The following CHCHD5 variants were observed in gnomAD, a reference collection of about 807,000 sequenced individuals.
CHCHD5 encodes coiled-coil-helix-coiled-coil-helix domain containing 5, also known as coiled-coil-helix-coiled-coil-helix domain-containing protein 5.
CHCHD5 carries 10 observed loss-of-function variants against 16.0 expected under a neutral mutation model. The ratio of observed to expected loss-of-function variants is 0.63; its 90% CI spans 0.39 to 1.06. The LOEUF (loss-of-function observed/expected upper bound fraction) is 1.06, where lower values mean the gene tolerates loss of function less well. Among genes scored for constraint, CHCHD5 ranks in the 50% least tolerant of loss-of-function variants. CHCHD5 has a pLI of 0.01. For missense variants in CHCHD5, 163 were observed against 153.4 expected (o/e 1.06, Z -0.33); for synonymous variants, 55 against 56.3 (o/e 0.98, Z 0.10).
At chr2:112,584,510 A>G (rs1278233044), upstream of CHCHD5, 4 of 1,064,102 alleles carry the variant, frequency 3.8e-6, no homozygotes, top group Admixed American at 7.7e-5. Flanking sequence ...GTGACAGATT[A>G]GTCCTAAAGG....
chr2:112,585,863 A>T (rs956779043), intron 1 of CHCHD5, 111 bp from the exon 2 acceptor site: 38 of 1,246,882 alleles, frequency 3.0e-5, no homozygotes, highest in Non-Finnish European at 4.2e-5. Context: ...GTGCCACTGC[A>T]CTCCAGCCTG....
chr2:112,586,033 A>G lies in CHCHD5; in HGVS notation c.62A>G (p.Gln21Arg), dbSNP rs199612227. The change falls in exon 2 of 4, where the codon CAG (glutamine) becomes CGG (arginine). Residue 21 changes from glutamine (Q) to arginine (R), a missense_variant. Coordinates refer to ENST00000324913, the MANE Select transcript of CHCHD5 (RefSeq NM_032309.4). ...GGCCGGGAGCTGGAGCAGTATGGCC[A>G]GTGTGTGGCGGCCAAGCCGGAATCC... is the stretch of plus-strand genomic sequence containing the variant. ...YCGRELEQYG[Q>R]CVAAKPESWQ... The G allele has an allele frequency of 7.4e-5, 120 of 1,614,172 alleles. No individual in the cohort carries two copies. The East Asian group carries it at 2.5e-3, about 33-fold the overall frequency.
intron 1 of CHCHD5, 39 bp downstream of exon 1, chr2:112,584,688 TC>T (rs779665568): frequency 3.1e-6 from 5 of 1,612,984 alleles, no homozygotes; most frequent in Non-Finnish European, 4.2e-6. Context: ...GTGCTGCCGC[TC>T]CCCTTCTTTT....
In CHCHD5 at chr2:112,589,001, A is replaced by G. The variant is rs969320689; in HGVS notation, c.*112A>G. 29 of 738,518 alleles carry G rather than the reference A, an allele frequency of 3.9e-5. No individual in the cohort carries two copies. Among genetic ancestry groups the G allele is most frequent in the East Asian group, 1.3e-4 (5 of 37,442 alleles). The allele number at this position is 738,518 out of a possible 1,614,324, so 45.7% of individuals were successfully genotyped here. On this transcript the variant is annotated 3_prime_UTR_variant, in exon 4 of 4. Coordinates refer to ENST00000324913, the MANE Select transcript of CHCHD5 (RefSeq NM_032309.4). ...CTGGACATGGGCCCGGCTTTCCTGG[A>G]TATCAGGACTTCCAATAAATAAAGA...
intron 2 of CHCHD5, 25 bp from the exon 3 acceptor site, chr2:112,586,175 G>A (rs1685211767): frequency 6.2e-7 from 1 of 1,609,742 alleles, no homozygotes; most frequent in African/African-American, 1.3e-5. Context: ...AATCTCCCAG[G>A]GGCTGAACTG....
At position 112,586,087 on chromosome 2, in the gene CHCHD5, T is replaced by A; in HGVS notation, c.116T>A (p.Met39Lys). Residue 39 changes from methionine to lysine, a missense_variant, in exon 2 of 4, where the codon ATG (methionine) becomes AAG (lysine). Met to Lys is a moderately conservative substitution (Grantham distance 95). Transcript: ENST00000324913. ...CAGCGGGACTGTCACTACCTTAAGATGAGCATTGCCCAGTGCACATCCTCC... is the reference window on the plus strand; with the variant it reads ...CAGCGGGACTGTCACTACCTTAAGAAGAGCATTGCCCAGTGCACATCCTCC... ...SWQRDCHYLK[M>K]SIAQCTSSHP... 6.2e-7 allele frequency: 1 copy of A among 1,613,670 alleles called. No individual in the cohort carries two copies. Among genetic ancestry groups the A allele is most frequent in the Non-Finnish European group, 8.5e-7 (1 of 1,179,902 alleles).
Position 112,586,101 on chromosome 2 carries a change from T to C in CHCHD5, c.130T>C (p.Cys44Arg). 1.9e-6 allele frequency: 3 copies of C among 1,612,384 alleles called. No individual in the cohort carries two copies. Among genetic ancestry groups the C allele is most frequent in the Non-Finnish European group, 2.5e-6 (3 of 1,179,370 alleles). Residue 44 changes from cysteine (C) to arginine (R), a missense_variant, in exon 2 of 4, where the codon TGC becomes CGC. Transcript: ENST00000324913. ...CHYLKMSIAQ[C>R]TSSHPIIRQI... Reference sequence around the variant, plus strand: ...CTACCTTAAGATGAGCATTGCCCAGTGCACATCCTCCCAGTGAGTGCGGGC... The same window carrying C: ...CTACCTTAAGATGAGCATTGCCCAGCGCACATCCTCCCAGTGAGTGCGGGC...
At position 112,589,027 on chromosome 2, in the gene CHCHD5, C is replaced by T. The variant is rs1685306910; in HGVS notation, c.*138C>T. The T allele has an allele frequency of 1.5e-6, 1 of 662,510 alleles. No homozygotes were observed. Among genetic ancestry groups the T allele is most frequent in the Admixed American group, 2.4e-5 (1 of 41,204 alleles). The allele number at this position is 662,510 out of a possible 1,614,324, so 41.0% of individuals were successfully genotyped here. ...TATCAGGACTTCCAATAAATAAAGA[C>T]TCTGTATACTGGGCTTTGATTCCTG... On this transcript the variant is annotated 3_prime_UTR_variant, in exon 4 of 4. Transcript: ENST00000324913.
chr2:112,584,647 G>A lies in CHCHD5; in HGVS notation c.-1G>A, dbSNP rs750187722. On this transcript the variant is annotated splice_region_variant and 5_prime_UTR_variant, in exon 1 of 4. Transcript: ENST00000324913. The stretch of plus-strand genomic sequence containing the variant: ...AGCCCTACGCCGGCAAAGGTCTCGA[G>A]ATGTGAGTAGTGAGAGCGCCTACCC... The A allele has an allele frequency of 5.0e-6, 8 of 1,613,894 alleles. No individual in the cohort carries two copies. Among genetic ancestry groups the A allele is most frequent in the Non-Finnish European group, 6.8e-6 (8 of 1,179,958 alleles).
At chr2:112,586,904 C>T (rs1685243758) in intron 3 of CHCHD5, 4 of 254,302 alleles carry the variant, frequency 1.6e-5, no homozygotes, top group South Asian at 8.0e-5. Flanking sequence ...ACCAGATATA[C>T]AGTATATCTG....
At chr2:112,585,911 A>T (rs3789722) in intron 1 of CHCHD5, 63 bp from the exon 2 acceptor site, 887,543 of 1,545,936 alleles carry the variant, frequency 0.57, 267,373 homozygotes, top group Non-Finnish European at 0.62. Context: ...AATAAAAAAA[A>T]AAAAAAGAAT....
At chr2:112,588,473 T>C (rs1394743196) in intron 3 of CHCHD5, 1 of 201,052 alleles carries the variant, frequency 5.0e-6, no homozygotes, top group Non-Finnish European at 1.0e-5. Flanking sequence ...CTTTACAGAA[T>C]GTCCTGTGTT....
intron 1 of CHCHD5, 164 bp downstream of exon 1, chr2:112,584,813 C>T (rs755914066): frequency 1.3e-6 from 1 of 785,462 alleles, no homozygotes; most frequent in Non-Finnish European, 2.1e-6. Context: ...CAACCCTCCG[C>T]ATGCCCAAGC....
In CHCHD5 at chr2:112,586,191, C is replaced by T. The variant is rs984808482; in HGVS notation, c.144-9C>T. ...ATCTCCCAGGGGCTGAACTGCCCTA[C>T]CCCCACAGCCCAATCATCCGCCAGA... On this transcript the variant is annotated splice_polypyrimidine_tract_variant and intron_variant, in intron 2 of 3. Coordinates refer to ENST00000324913, the MANE Select transcript of CHCHD5 (RefSeq NM_032309.4). 3 of 1,609,236 alleles carry T rather than the reference C, an allele frequency of 1.9e-6. No individual in the cohort carries two copies. Among genetic ancestry groups the T allele is most frequent in the South Asian group, 1.1e-5 (1 of 90,948 alleles).
intron 1 of CHCHD5, 111 bp from the exon 2 acceptor site, chr2:112,585,863 A>C (rs956779043): frequency 8.0e-7 from 1 of 1,246,998 alleles, no homozygotes; most frequent in South Asian, 1.5e-5. Context: ...GTGCCACTGC[A>C]CTCCAGCCTG....
chr2:112,586,558 C>T, intron 3 of CHCHD5, 193 bp downstream of exon 3: 1 of 1,526,864 alleles, frequency 6.5e-7, no homozygotes, highest in Non-Finnish European at 8.8e-7. Flanking sequence ...CACCACCACC[C>T]TCACCCTCCA....
intron 3 of CHCHD5, chr2:112,588,064 TG>T (rs1444616570): frequency 6.6e-6 from 1 of 152,112 alleles, no homozygotes; most frequent in Non-Finnish European, 1.5e-5. Flanking sequence ...CCGAGGTGGG[TG>T]GATCACCTGA....
At position 112,588,905 on chromosome 2, in the gene CHCHD5, C is replaced by T; in HGVS notation, c.*16C>T. ...TGCCTCCTGAGGACTCCTCTGACGG[C>T]AGGAAAACTGGACATGAATGACTGC... On this transcript the variant is annotated 3_prime_UTR_variant, in exon 4 of 4. Coordinates refer to ENST00000324913, the MANE Select transcript of CHCHD5 (RefSeq NM_032309.4). 1.2e-6 allele frequency: 2 copies of T among 1,605,330 alleles called. No individual in the cohort carries two copies. The highest frequency in any genetic ancestry group is 1.7e-6 in the Non-Finnish European group (2 of 1,172,338).
chr2:112,584,506 G>T, upstream of CHCHD5: 1 of 1,043,542 alleles, frequency 9.6e-7, no homozygotes, highest in African/African-American at 1.6e-5. Context: ...CGCCGTGACA[G>T]ATTAGTCCTA....
Sources: allele counts gnomAD v4.1 joint callset, GRCh38; gene constraint gnomAD v4.1.1; transcripts MANE v1.5; gene names NCBI Gene and HGNC (gene_info 2026-07-23, HGNC 2026-07-21).